ERBB4: variants seen among roughly 807,000 people sequenced by gnomAD.
The protein encoded by ERBB4 is receptor tyrosine-protein kinase erbB-4.
In ERBB4, 42 loss-of-function variants were observed where a neutral mutation model predicts 158.0. The observed-to-expected ratio is 0.27, with a 90% confidence interval of 0.21 to 0.34. ERBB4 has a LOEUF of 0.34. Among genes scored for constraint, ERBB4 ranks in the 10% least tolerant of loss-of-function variants. ERBB4 has a pLI of 1.00. For synonymous variants in ERBB4, 583 were observed against 558.7 expected (o/e 1.04, Z -0.61); for missense variants, 1,333 against 1,624.1 (o/e 0.82, Z 3.08).
chr2:212,180,254 T>C (rs1313670917), intron 1 of ERBB4, among the ~76,000 whole-genome samples: 1 of 151,724 alleles, frequency 6.6e-6, no homozygotes, highest in Admixed American at 6.6e-5. Flanking sequence ...ACTGTGAAGA[T>C]AAACTTCACT....
At position 211,580,798 on chromosome 2, in the gene ERBB4, ATATAT is replaced by A. The variant is rs1225989868; in HGVS notation, c.2302-18715_2302-18711del. On this transcript the variant is annotated intron_variant, in intron 19 of 27. Coordinates refer to ENST00000342788, the MANE Select transcript of ERBB4 (RefSeq NM_005235.3). ...GATAAAGAAATTGTGATATATATAT[ATATAT>A]ATATATATAATATATATATATTATA... Among the ~76,000 whole-genome samples the A allele has an allele frequency of 6.6e-4, 42 of 63,560 alleles. 1 individual carries two copies. The highest frequency in any genetic ancestry group is 8.5e-4 in the Non-Finnish European group (35 of 41,334). 41.7% of individuals were successfully genotyped at this position (63,560 alleles called of 152,430 possible). A position where few individuals can be genotyped will look rare whatever the true frequency, so the allele number is the denominator to read the frequency against.
chr2:212,530,613 C>T (rs143388667), intron 1 of ERBB4, among the ~76,000 whole-genome samples: 4 of 152,130 alleles, frequency 2.6e-5, no homozygotes, highest in Non-Finnish European at 5.9e-5. Context: ...GTCACAGAGC[C>T]TGGAGAATCT....
At chr2:211,686,141 T>C (rs1197850861) in intron 12 of ERBB4, among the ~76,000 whole-genome samples, 2 of 152,144 alleles carry the variant, frequency 1.3e-5, no homozygotes, top group East Asian at 1.9e-4. Context: ...TTCAATACTA[T>C]GTTAAATGAG....
intron 2 of ERBB4, among the ~76,000 whole-genome samples, chr2:211,982,385 C>T (rs977903768): frequency 6.6e-6 from 1 of 151,440 alleles, no homozygotes; most frequent in Non-Finnish European, 1.5e-5. Flanking sequence ...CTGTAGAAAA[C>T]AAAAAAACAA....
chr2:212,253,501 T>C (rs938073450), intron 1 of ERBB4, among the ~76,000 whole-genome samples: 6 of 152,144 alleles, frequency 3.9e-5, no homozygotes, highest in African/African-American at 7.2e-5. Context: ...CAGAATTTCA[T>C]GTTCATAGGA....
At chr2:212,254,355 T>G (rs893532498) in intron 1 of ERBB4, among the ~76,000 whole-genome samples, 5 of 152,184 alleles carry the variant, frequency 3.3e-5, no homozygotes, top group African/African-American at 1.2e-4. Flanking sequence ...ACAGCTATGT[T>G]GAATCTGACA....
intron 1 of ERBB4, among the ~76,000 whole-genome samples, chr2:212,323,563 T>C (rs1036071524): frequency 6.7e-6 from 1 of 150,366 alleles, no homozygotes; most frequent in Non-Finnish European, 1.5e-5. Flanking sequence ...AGGAAGTGAC[T>C]TCACCTCTCA....
chr2:211,583,199 A>G (rs567552089), intron 19 of ERBB4, among the ~76,000 whole-genome samples: 3 of 152,190 alleles, frequency 2.0e-5, no homozygotes, highest in South Asian at 4.1e-4. Context: ...ACAAACACAA[A>G]TATTTACTGA....
At chr2:211,516,966 C>T (rs1032594519) in intron 20 of ERBB4, among the ~76,000 whole-genome samples, 19 of 152,156 alleles carry the variant, frequency 1.2e-4, no homozygotes, top group Admixed American at 8.5e-4. Context: ...GGTTCTGAAT[C>T]TCACCAATTT....
chr2:212,483,757 G>A (rs939176906), intron 1 of ERBB4, among the ~76,000 whole-genome samples: 6 of 151,558 alleles, frequency 4.0e-5, no homozygotes, highest in Non-Finnish European at 7.4e-5. Flanking sequence ...TTTTTTTTGA[G>A]ACTGAGTCTT....
At chr2:211,477,030 T>C (rs962318309) in intron 20 of ERBB4, among the ~76,000 whole-genome samples, 2 of 152,122 alleles carry the variant, frequency 1.3e-5, no homozygotes, top group Non-Finnish European at 2.9e-5. Flanking sequence ...CTGGATGTTT[T>C]TCTAAAGGTG....
intron 19 of ERBB4, among the ~76,000 whole-genome samples, chr2:211,583,805 T>C (rs2068179265): frequency 6.6e-6 from 1 of 151,618 alleles, no homozygotes; most frequent in Non-Finnish European, 1.5e-5. Context: ...CAATTATTTT[T>C]TGTCAATTAT....
intron 1 of ERBB4, among the ~76,000 whole-genome samples, chr2:212,164,745 C>T (rs2081298468): frequency 6.6e-6 from 1 of 151,714 alleles, no homozygotes; most frequent in Non-Finnish European, 1.5e-5. Context: ...AAATGGTTTT[C>T]TGCCTATTTT....
intron 3 of ERBB4, among the ~76,000 whole-genome samples, chr2:211,917,481 G>T (rs2079729392): frequency 6.6e-6 from 1 of 152,074 alleles, no homozygotes; most frequent in Non-Finnish European, 1.5e-5. Context: ...AACAGATGAA[G>T]AAACAAAATA....
chr2:212,384,047 T>A (rs1430035063), intron 1 of ERBB4, among the ~76,000 whole-genome samples: 2 of 151,646 alleles, frequency 1.3e-5, no homozygotes, highest in African/African-American at 4.8e-5. Context: ...TATCTCTGTG[T>A]TGTATTTTAG....
chr2:212,482,073 T>C (rs533758398), intron 1 of ERBB4, among the ~76,000 whole-genome samples: 2 of 152,338 alleles, frequency 1.3e-5, no homozygotes, highest in South Asian at 4.1e-4. Context: ...TCAGTTTAGG[T>C]ACATTTCTTT....
chr2:211,752,011 G>A (rs2075144952), intron 4 of ERBB4, among the ~76,000 whole-genome samples: 1 of 152,174 alleles, frequency 6.6e-6, no homozygotes, highest in Non-Finnish European at 1.5e-5. Context: ...TATTGCCGCT[G>A]ACATCACCAG....
intron 2 of ERBB4, among the ~76,000 whole-genome samples, chr2:212,012,793 G>A (rs1274981593): frequency 6.6e-6 from 1 of 151,834 alleles, no homozygotes; most frequent in Non-Finnish European, 1.5e-5. Flanking sequence ...CCCTCAGCCT[G>A]GAATGCCGTA....
intron 1 of ERBB4, among the ~76,000 whole-genome samples, chr2:212,415,453 T>A (rs1426150781): frequency 1.3e-5 from 2 of 152,178 alleles, no homozygotes; most frequent in Admixed American, 1.3e-4. Flanking sequence ...GCATGCTGTA[T>A]ACCTGTATTT....
Sources: allele counts gnomAD v4.1 joint callset (sites outside exome capture counted in the v4.1 genomes callset), GRCh38; gene constraint gnomAD v4.1.1; transcripts MANE v1.5; gene names NCBI Gene and HGNC (gene_info 2026-07-23, HGNC 2026-07-21).